SFMBT2: variants seen among roughly 807,000 people sequenced by gnomAD.
SFMBT2 encodes the protein scm-like with four MBT domains protein 2.
A neutral mutation model predicts 110.1 loss-of-function variants in SFMBT2; 38 were observed. That is an observed-to-expected ratio of 0.35 (90% CI 0.27 to 0.45). The LOEUF (loss-of-function observed/expected upper bound fraction) is 0.45. SFMBT2 is among the 20% of genes least tolerant of loss of function. The pLI is 1.00. For synonymous variants in SFMBT2, 425 were observed against 425.4 expected (o/e 1.00, Z 0.01); for missense variants, 1,011 against 1,094.9 (o/e 0.92, Z 1.08).
chr10:7,168,311 C>G (rs971578477), intron 20 of SFMBT2, among the ~76,000 whole-genome samples: 1 of 152,180 alleles, frequency 6.6e-6, no homozygotes, highest in Admixed American at 6.5e-5. Flanking sequence ...ATTGACGTTT[C>G]AAGGTATAAG....
At chr10:7,291,565 A>T (rs1289394350) in intron 4 of SFMBT2, among the ~76,000 whole-genome samples, 1 of 152,082 alleles carries the variant, frequency 6.6e-6, no homozygotes, top group Non-Finnish European at 1.5e-5. Context: ...TCTTCATCTC[A>T]TCCTGCCCTC....
chr10:7,379,563 A>T (rs1300575777), intron 2 of SFMBT2, among the ~76,000 whole-genome samples: 1 of 152,202 alleles, frequency 6.6e-6, no homozygotes, highest in East Asian at 1.9e-4. Flanking sequence ...AAGAGTCTGT[A>T]TCGTCATCTA....
At chr10:7,352,761 C>T (rs972498818) in intron 4 of SFMBT2, among the ~76,000 whole-genome samples, 4 of 152,076 alleles carry the variant, frequency 2.6e-5, no homozygotes, top group Non-Finnish European at 5.9e-5. Flanking sequence ...CCTGTAATCC[C>T]AGCACTTTGG....
chr10:7,274,863 A>G (rs569168611), intron 7 of SFMBT2, among the ~76,000 whole-genome samples: 1 of 152,162 alleles, frequency 6.6e-6, no homozygotes, highest in Non-Finnish European at 1.5e-5. Flanking sequence ...TCCAAAAAAA[A>G]AAAAAATTAG....
In SFMBT2 at chr10:7,223,380, G is replaced by A. The variant is rs74117268; in HGVS notation, c.1204-2843C>T. 4.6e-3 allele frequency among the ~76,000 whole-genome samples: 698 copies of A among 152,240 alleles called. 5 individuals carry two copies. The highest frequency in any genetic ancestry group is 0.016 in the African/African-American group (674 of 41,540). The stretch of plus-strand genomic sequence containing the variant: ...GGTGTTAGCTTGCATTTGCCCTGCT[G>A]ACTACTGATGCTGAGCATGTTTTTT... On this transcript the variant is annotated intron_variant, in intron 10 of 20. Transcript: ENST00000397167.
rs1564378223 is a variant in SFMBT2 at position 7,197,692 on chromosome 10, A to AG, written c.1559-6dup. On this transcript the variant is annotated splice_region_variant and splice_polypyrimidine_tract_variant and intron_variant, in intron 14 of 20. Coordinates refer to ENST00000397167, the MANE Select transcript of SFMBT2 (RefSeq NM_001387889.1). ...AGTATTTCCCGTTGACGGTTCCTGC[A>AG]GGGGACAGCAACATAGTCCATGCTT... The AG allele has an allele frequency of 6.2e-7, 1 of 1,613,548 alleles. No individual in the cohort carries two copies. The highest frequency in any genetic ancestry group is 1.1e-5 in the South Asian group (1 of 91,054).
In SFMBT2 at chr10:7,217,481, G is replaced by C. The variant is rs564400781; in HGVS notation, c.1330+2930C>G. Among the ~76,000 whole-genome samples, 61 of 152,214 alleles carry C rather than the reference G, an allele frequency of 4.0e-4. 1 individual carries two copies. The South Asian group carries it at 0.012, about 31-fold the overall frequency. On this transcript the variant is annotated intron_variant, in intron 11 of 20. Coordinates refer to ENST00000397167, the MANE Select transcript of SFMBT2 (RefSeq NM_001387889.1). ...GTCTCATTTGAAGTGCATGTAAGTGGCGCGCATGTATATATTTAGCCAGGT... is the reference window on the plus strand; with the variant it reads ...GTCTCATTTGAAGTGCATGTAAGTGCCGCGCATGTATATATTTAGCCAGGT...
intron 11 of SFMBT2, among the ~76,000 whole-genome samples, chr10:7,213,276 G>T (rs2462722): frequency 0.47 from 71,573 of 151,932 alleles, 17,634 homozygotes; most frequent in East Asian, 0.87. Flanking sequence ...AAGAAACACA[G>T]ACCTACTGTG....
At chr10:7,331,709 C>T (rs756426448) in intron 4 of SFMBT2, among the ~76,000 whole-genome samples, 5 of 152,218 alleles carry the variant, frequency 3.3e-5, no homozygotes, top group South Asian at 2.1e-4. Context: ...AGAAGCATGA[C>T]TTGGGCTTCA....
intron 4 of SFMBT2, among the ~76,000 whole-genome samples, chr10:7,297,317 G>T (rs1200754549): frequency 6.6e-6 from 1 of 152,184 alleles, no homozygotes; most frequent in Non-Finnish European, 1.5e-5. Context: ...TGGAGTCCCA[G>T]CTACAACCAC....
intron 11 of SFMBT2, chr10:7,207,692 A>C: frequency 5.0e-6 from 4 of 800,202 alleles, no homozygotes; most frequent in South Asian, 5.8e-5. Context: ...ACAACCAAAC[A>C]CAAAATGGTC....
chr10:7,207,697 A>C, intron 11 of SFMBT2: 31 of 734,678 alleles, frequency 4.2e-5, no homozygotes, highest in South Asian at 1.3e-4. Flanking sequence ...CAAACACAAA[A>C]TGGTCCTAAA....
chr10:7,313,621 G>A (rs1388119641), intron 4 of SFMBT2, among the ~76,000 whole-genome samples: 1 of 152,180 alleles, frequency 6.6e-6, no homozygotes, highest in African/African-American at 2.4e-5. Flanking sequence ...ACAAACGATT[G>A]GGGTTTTTTG....
chr10:7,318,512 A>C (rs1258084807), intron 4 of SFMBT2, among the ~76,000 whole-genome samples: 1 of 152,210 alleles, frequency 6.6e-6, no homozygotes, highest in South Asian at 2.1e-4. Flanking sequence ...ACCTGGGCTC[A>C]ATCAAGAATC....
At chr10:7,231,141 C>A (rs1024170311) in intron 9 of SFMBT2, among the ~76,000 whole-genome samples, 1 of 152,118 alleles carries the variant, frequency 6.6e-6, no homozygotes, top group Non-Finnish European at 1.5e-5. Flanking sequence ...GAGCAGTTAC[C>A]TAACAAGGCA....
rs1844933653 is a variant in SFMBT2 at position 7,367,120 on chromosome 10, T to C, written c.436+529A>G. Among the ~76,000 whole-genome samples the C allele has an allele frequency of 6.6e-6, 1 of 151,896 alleles. No individual in the cohort carries two copies. The highest frequency in any genetic ancestry group is 2.4e-5 in the African/African-American group (1 of 41,338). On this transcript the variant is annotated intron_variant, in intron 4 of 20. Coordinates refer to ENST00000397167, the MANE Select transcript of SFMBT2 (RefSeq NM_001387889.1). This position sits in a 1 kb window ranked among gnomAD's most constrained non-coding sequence, Gnocchi z 6.2. ...GTTTTAGGGCACAAGTGCTGTATGG[T>C]TTTCTAAAAGCTTGACACCCTGACA... is the stretch of plus-strand genomic sequence containing the variant.
chr10:7,345,381 C>T (rs1485539551), intron 4 of SFMBT2, among the ~76,000 whole-genome samples: 1 of 152,150 alleles, frequency 6.6e-6, no homozygotes, highest in East Asian at 1.9e-4. Context: ...TGTTTTGAGA[C>T]AGAGTCTAGC....
chr10:7,249,065 C>G, intron 7 of SFMBT2: 3 of 975,478 alleles, frequency 3.1e-6, no homozygotes, highest in Non-Finnish European at 3.7e-6. Flanking sequence ...TACCCAAGGT[C>G]TGCCACCACC....
Position 7,208,456 on chromosome 10 carries a change from G to A in SFMBT2, c.1331-2528C>T, listed in dbSNP as rs922433008. Among the ~76,000 whole-genome samples, 6 of 152,000 alleles carry A rather than the reference G, an allele frequency of 3.9e-5. No individual in the cohort carries two copies. In the East Asian group the frequency reaches 7.7e-4, roughly 20 times the overall value. ...TAACTTTATATTGGGAGGCTGAGGC[G>A]GGCGGATCACCTGAGGTCAGGAGTT... On this transcript the variant is annotated intron_variant, in intron 11 of 20. Transcript: ENST00000397167.
Sources: gnomAD v4.1 joint callset for allele counts (sites outside exome capture counted in the v4.1 genomes callset) on GRCh38, gnomAD v4.1.1 for gene constraint, Gnocchi (gnomAD v3.1) non-coding constraint, MANE v1.5 for transcripts, NCBI Gene and HGNC (gene_info 2026-07-23, HGNC 2026-07-21) for gene names.